The following SENP7 variants were observed in gnomAD, a reference collection of about 807,000 sequenced individuals.
The protein encoded by SENP7 is SUMO specific peptidase 7.
Under a neutral mutation model 141.2 loss-of-function variants are expected in SENP7, and 64 were observed. The ratio of observed to expected loss-of-function variants is 0.45; its 90% CI spans 0.37 to 0.56. The LOEUF is 0.56. SENP7 is among the 20% of genes least tolerant of loss of function. The pLI is 0.00. For synonymous variants in SENP7, 382 were observed against 426.4 expected, an observed-to-expected ratio of 0.90 and a Z score of 1.28; for missense variants, 1,025 against 1,212.2, an observed-to-expected ratio of 0.85 and a Z score of 2.29.
At chr3:101,399,611 T>C (rs1205891400) in intron 5 of SENP7, among the ~76,000 whole-genome samples, 2 of 152,110 alleles carry the variant, frequency 1.3e-5, no homozygotes, top group South Asian at 4.1e-4. Flanking sequence ...AGGAAAAGAG[T>C]CAATACATTT....
intron 1 of SENP7, among the ~76,000 whole-genome samples, chr3:101,508,503 G>A (rs931266607): frequency 1.3e-5 from 2 of 152,152 alleles, no homozygotes; most frequent in Non-Finnish European, 2.9e-5. Context: ...GGAGGCTGAA[G>A]CAGGAGAATG....
intron 6 of SENP7, among the ~76,000 whole-genome samples, chr3:101,379,154 A>G (rs979828941): frequency 2.0e-5 from 3 of 152,210 alleles, no homozygotes; most frequent in African/African-American, 7.2e-5. Flanking sequence ...TTTTCAACAA[A>G]TGATGCTGGA....
At chr3:101,410,830 G>A (rs1231113477) in intron 5 of SENP7, among the ~76,000 whole-genome samples, 1 of 45,968 alleles carries the variant, frequency 2.2e-5, no homozygotes, top group African/African-American at 8.8e-5. Flanking sequence ...GGATGACAGA[G>A]TGAGATTCTG....
chr3:101,337,041 A>G (rs1355081338), intron 17 of SENP7: 1 of 152,412 alleles, frequency 6.6e-6, no homozygotes, highest in African/African-American at 2.4e-5. Context: ...AAAGCCAAAA[A>G]CGGGGACAGT....
At chr3:101,327,096 C>G (rs1037807782) in intron 23 of SENP7, among the ~76,000 whole-genome samples, 1 of 151,990 alleles carries the variant, frequency 6.6e-6, no homozygotes, top group African/African-American at 2.4e-5. Flanking sequence ...TCTTCTCTAA[C>G]CTATTAATCA....
chr3:101,481,117 C>T (rs1293974159), intron 3 of SENP7, among the ~76,000 whole-genome samples: 2 of 150,380 alleles, frequency 1.3e-5, no homozygotes, highest in African/African-American at 4.9e-5. Flanking sequence ...ACCCATGATA[C>T]AGTAATCCCA....
At chr3:101,421,954 TG>T (rs2061801939) in intron 4 of SENP7, among the ~76,000 whole-genome samples, 1 of 152,106 alleles carries the variant, frequency 6.6e-6, no homozygotes, top group East Asian at 1.9e-4. Context: ...GAAAGTTAGG[TG>T]AGTGGTTATC....
intron 4 of SENP7, among the ~76,000 whole-genome samples, chr3:101,448,932 TA>T (rs1165246130): frequency 6.6e-6 from 1 of 151,894 alleles, no homozygotes; most frequent in Non-Finnish European, 1.5e-5. Context: ...TACTCCGAGC[TA>T]AAGGAGGAAG....
intron 1 of SENP7, among the ~76,000 whole-genome samples, chr3:101,509,809 C>T (rs566956373): frequency 5.5e-4 from 84 of 152,348 alleles, no homozygotes; most frequent in Non-Finnish European, 9.7e-4. Context: ...TTAGAGACCA[C>T]ATTTTGAATT....
intron 3 of SENP7, among the ~76,000 whole-genome samples, chr3:101,462,257 C>T (rs1024109274): frequency 3.3e-5 from 5 of 152,080 alleles, no homozygotes; most frequent in African/African-American, 1.2e-4. Context: ...CATTAAGAAA[C>T]CACTAAGAAT....
At chr3:101,476,138 A>G (rs1165273449) in intron 3 of SENP7, among the ~76,000 whole-genome samples, 1 of 152,160 alleles carries the variant, frequency 6.6e-6, no homozygotes, top group Non-Finnish European at 1.5e-5. Flanking sequence ...TCTGAGATAC[A>G]TGTGTAGAAC....
At chr3:101,497,297 A>G (rs1457034103) in intron 2 of SENP7, among the ~76,000 whole-genome samples, 1 of 152,222 alleles carries the variant, frequency 6.6e-6, no homozygotes, top group Non-Finnish European at 1.5e-5. Context: ...ATGTGTGAAC[A>G]TATATTTTTC....
intron 5 of SENP7, among the ~76,000 whole-genome samples, chr3:101,408,826 T>C (rs2061376001): frequency 6.6e-6 from 1 of 152,022 alleles, no homozygotes; most frequent in Non-Finnish European, 1.5e-5. Context: ...GCCAACATAA[T>C]ACTGAATGGG....
At chr3:101,495,191 GACA>G (rs1178901575) in intron 2 of SENP7, among the ~76,000 whole-genome samples, 5 of 151,990 alleles carry the variant, frequency 3.3e-5, no homozygotes, top group Admixed American at 6.6e-5. Flanking sequence ...AAATCAAAAC[GACA>G]ACGAGACACC....
At chr3:101,346,954 G>C (rs1576027996) in intron 13 of SENP7, among the ~76,000 whole-genome samples, 1 of 150,858 alleles carries the variant, frequency 6.6e-6, no homozygotes, top group East Asian at 1.9e-4. Flanking sequence ...AAAAGGAGGA[G>C]GAGGGAGGAG....
At chr3:101,449,214 G>C (rs1226824580) in intron 4 of SENP7, among the ~76,000 whole-genome samples, 4 of 152,144 alleles carry the variant, frequency 2.6e-5, no homozygotes, top group African/African-American at 9.7e-5. Context: ...AGAAATATGG[G>C]ACTATGTGAA....
intron 5 of SENP7, among the ~76,000 whole-genome samples, chr3:101,413,844 G>T (rs2061524298): frequency 6.6e-6 from 1 of 152,100 alleles, no homozygotes. Context: ...TTGTGAATAT[G>T]GAGGAACAGA....
intron 3 of SENP7, among the ~76,000 whole-genome samples, chr3:101,467,789 C>T (rs1031969391): frequency 6.6e-6 from 1 of 152,186 alleles, no homozygotes; most frequent in African/African-American, 2.4e-5. Flanking sequence ...AAAATCGGAG[C>T]ACCTCGTCTC....
At chr3:101,376,223 A>G (rs1264342959) in intron 6 of SENP7, among the ~76,000 whole-genome samples, 2 of 152,180 alleles carry the variant, frequency 1.3e-5, no homozygotes, top group African/African-American at 4.8e-5. Flanking sequence ...GTTAGAGTTT[A>G]ATAGATACAG....
Sources: allele counts gnomAD v4.1 joint callset (sites outside exome capture counted in the v4.1 genomes callset), GRCh38; gene constraint gnomAD v4.1.1; transcripts MANE v1.5; gene names NCBI Gene and HGNC (gene_info 2026-07-23, HGNC 2026-07-21).